CD2AP: variants seen among roughly 807,000 people sequenced by gnomAD.
CD2AP encodes the protein CD2-associated protein.
In CD2AP, 46 loss-of-function variants were observed where a neutral mutation model predicts 85.1. The observed-to-expected ratio is 0.54, with a 90% CI of 0.43 to 0.69. CD2AP has a LOEUF of 0.69. Among genes scored for constraint, CD2AP ranks in the 30% least tolerant of loss-of-function variants. The probability of loss-of-function intolerance (pLI) is 0.00; values close to 1 mark genes in which losing one functional copy is unlikely to be tolerated. For synonymous variants in CD2AP, 255 were observed against 252.9 expected, an observed-to-expected ratio of 1.01 and a Z score of -0.08; for missense variants, 769 against 729.5, an observed-to-expected ratio of 1.05 and a Z score of -0.62.
intron 4 of CD2AP, among the ~76,000 whole-genome samples, chr6:47,550,131 C>G (rs1767473597): frequency 6.6e-6 from 1 of 152,124 alleles, no homozygotes; most frequent in South Asian, 2.1e-4. Flanking sequence ...TGGAAAAACC[C>G]TTCTAGACAT....
At chr6:47,544,835 GTTTCTT>G (rs999236114) in intron 4 of CD2AP, 129 bp downstream of exon 4, 1 of 657,482 alleles carries the variant, frequency 1.5e-6, no homozygotes, top group African/African-American at 1.8e-5. Context: ...ATGGTATAGA[GTTTCTT>G]TACTCATCCT....
intron 1 of CD2AP, among the ~76,000 whole-genome samples, chr6:47,479,662 T>C (rs1765395852): frequency 6.6e-6 from 1 of 152,224 alleles, no homozygotes; most frequent in Non-Finnish European, 1.5e-5. Context: ...ATTAAGATAA[T>C]ACTAAAGTTA....
intron 16 of CD2AP, among the ~76,000 whole-genome samples, chr6:47,611,218 G>C (rs974342664): frequency 1.3e-5 from 2 of 150,970 alleles, no homozygotes; most frequent in Non-Finnish European, 3.0e-5. Flanking sequence ...TGAGAGGAGG[G>C]AGCAGGTCAG....
At chr6:47,496,042 A>G (rs1449215759) in intron 1 of CD2AP, among the ~76,000 whole-genome samples, 3 of 152,164 alleles carry the variant, frequency 2.0e-5, no homozygotes, top group African/African-American at 7.2e-5. Context: ...TTATACCTGT[A>G]TACTTACCAC....
rs1332067335 is a variant in CD2AP, at chr6:47,606,174, A to G, written c.1427A>G (p.Asn476Ser). The change falls in exon 14 of 18, where the codon AAT (asparagine) becomes AGT (serine). Residue 476 changes from asparagine to serine, a missense_variant. By Grantham distance (46) the Asn-to-Ser change is conservative. Transcript: ENST00000359314. ...TATTTTTATTTTCTAGATGTTGTAAATTTTGATGACATAGCTTCCTCAGAA... is the reference window on the plus strand; with the variant it reads ...TATTTTTATTTTCTAGATGTTGTAAGTTTTGATGACATAGCTTCCTCAGAA... ...VRTSKETDVV[N>S]FDDIASSENL... The G allele has an allele frequency of 1.3e-6, 2 of 1,557,600 alleles. No homozygotes were observed. The highest frequency in any genetic ancestry group is 1.1e-5 in the South Asian group (1 of 89,896).
chr6:47,485,350 A>G (rs9367280), intron 1 of CD2AP, among the ~76,000 whole-genome samples: 92,914 of 151,786 alleles, frequency 0.61, 29,180 homozygotes, highest in Middle Eastern at 0.74. Context: ...TTGCAGGCCT[A>G]GGCTAATGTG....
intron 1 of CD2AP, among the ~76,000 whole-genome samples, chr6:47,502,191 A>G (rs1211110271): frequency 6.6e-6 from 1 of 152,230 alleles, no homozygotes; most frequent in African/African-American, 2.4e-5. Context: ...GGCCCTCTCT[A>G]TAGGTTGGCT....
At chr6:47,581,610 C>G (rs183871483) in intron 10 of CD2AP, among the ~76,000 whole-genome samples, 239 of 152,196 alleles carry the variant, frequency 1.6e-3, no homozygotes, top group Middle Eastern at 6.8e-3. Context: ...AGCCACTAAC[C>G]ATGTGTGGCT....
chr6:47,491,229 A>G (rs1167277667), intron 1 of CD2AP, among the ~76,000 whole-genome samples: 2 of 151,502 alleles, frequency 1.3e-5, no homozygotes, highest in Non-Finnish European at 2.9e-5. Context: ...GGGAATAAAA[A>G]GTAAATACAT....
chr6:47,544,684 A>C lies in CD2AP; in HGVS notation c.398A>C (p.Asp133Ala). 6.2e-7 allele frequency: 1 copy of C among 1,606,978 alleles called. No homozygotes were observed. Among genetic ancestry groups the C allele is most frequent in the South Asian group, 1.1e-5 (1 of 90,926 alleles). ...GATGAACTGGAGCTGAAAGTGGGAG[A>C]TATTATTGATATTAATGAAGAGGTA... The part of the protein sequence containing the change: ...NEDELELKVG[D>A]IIDINEEVEE... Residue 133 changes from aspartate (D) to alanine (A), a missense_variant, in exon 4 of 18, where the codon GAT becomes GCT. Physicochemically the swap from Asp to Ala is moderately radical, Grantham distance 126. Transcript: ENST00000359314.
At chr6:47,504,995 G>A (rs1177851081) in intron 2 of CD2AP, among the ~76,000 whole-genome samples, 1 of 148,416 alleles carries the variant, frequency 6.7e-6, no homozygotes, top group Non-Finnish European at 1.5e-5. Flanking sequence ...GAAGGCTGGG[G>A]TGGCTGTGGC....
intron 2 of CD2AP, among the ~76,000 whole-genome samples, chr6:47,505,626 A>ACC (rs1370439585): frequency 5.4e-5 from 4 of 74,688 alleles, no homozygotes; most frequent in Admixed American, 1.6e-4. Context: ...GGGGGGGCTG[A>ACC]CCCCCCCCAC....
intron 17 of CD2AP, among the ~76,000 whole-genome samples, chr6:47,615,596 A>T (rs996844203): frequency 3.3e-5 from 5 of 151,944 alleles, no homozygotes; most frequent in Non-Finnish European, 7.4e-5. Flanking sequence ...GAACTTACTC[A>T]TCATGAAGGG....
intron 2 of CD2AP, among the ~76,000 whole-genome samples, chr6:47,528,006 T>G (rs563405239): frequency 6.6e-6 from 1 of 152,282 alleles, no homozygotes; most frequent in African/African-American, 2.4e-5. Context: ...GAAACATGTT[T>G]TATATATGTG....
chr6:47,579,473 T>A lies in CD2AP; in HGVS notation c.992T>A (p.Leu331His), dbSNP rs140188898. 1.2e-3 allele frequency: 1,953 copies of A among 1,597,642 alleles called. 4 individuals are homozygous for A. The highest frequency in any genetic ancestry group is 1.6e-3 in the Non-Finnish European group (1,840 of 1,164,900). ...AATTTTGCTGTCCAGATAAATGAAC[T>A]TGATAAAGACTTTCCAGTAAGCTTT... Reference protein sequence around the residue: ...PDNFAVQINELDKDFPKPKKP... With the variant: ...PDNFAVQINEHDKDFPKPKKP... The change falls in exon 9 of 18, where the codon CTT (leucine) becomes CAT (histidine). Residue 331 changes from leucine (L) to histidine (H), a missense_variant. Leu to His is a moderately conservative substitution (Grantham distance 99). Coordinates refer to ENST00000359314, the MANE Select transcript of CD2AP (RefSeq NM_012120.3).
chr6:47,578,220 A>G (rs945426405), intron 8 of CD2AP, among the ~76,000 whole-genome samples: 1 of 152,212 alleles, frequency 6.6e-6, no homozygotes, highest in Admixed American at 6.5e-5. Flanking sequence ...GAAAAATTAA[A>G]GACAAGGTCT....
rs1205013318 is a variant in CD2AP at position 47,597,278 on chromosome 6, T to A, written c.1274+1252T>A. Among the ~76,000 whole-genome samples the A allele has an allele frequency of 6.6e-5, 10 of 150,612 alleles. 1 individual carries two copies. The highest frequency in any genetic ancestry group is 4.6e-4 in the Admixed American group (7 of 15,090). Reference sequence around the variant, plus strand: ...CGAAGAGGTGAAGGAGGCTTATAGGTAGAAGGCCCTCTCCTGCCACCCAGA... The same window carrying A: ...CGAAGAGGTGAAGGAGGCTTATAGGAAGAAGGCCCTCTCCTGCCACCCAGA... On this transcript the variant is annotated intron_variant, in intron 12 of 17. Transcript: ENST00000359314.
intron 13 of CD2AP, among the ~76,000 whole-genome samples, chr6:47,602,636 G>T (rs1422487889): frequency 1.3e-5 from 2 of 151,890 alleles, no homozygotes; most frequent in East Asian, 3.9e-4. Flanking sequence ...GGAGGCCAAA[G>T]CAGGAAGATT....
chr6:47,559,240 T>C (rs74711666), intron 5 of CD2AP, among the ~76,000 whole-genome samples: 223 of 151,688 alleles, frequency 1.5e-3, no homozygotes, highest in African/African-American at 5.1e-3. Flanking sequence ...TGGCTAACGG[T>C]CTCTCTGTTT....
Sources: allele counts gnomAD v4.1 joint callset (sites outside exome capture counted in the v4.1 genomes callset), GRCh38; gene constraint gnomAD v4.1.1; transcripts MANE v1.5; gene names NCBI Gene and HGNC (gene_info 2026-07-23, HGNC 2026-07-21).